Variants in HS6ST2 observed in about 807,000 individuals in gnomAD.
HS6ST2 encodes heparan sulfate 6-O-sulfotransferase 2.
Under a neutral mutation model 33.0 loss-of-function variants are expected in HS6ST2, and 17 were observed. The ratio of observed to expected loss-of-function variants is 0.52; its 90% CI spans 0.35 to 0.77. HS6ST2 has a LOEUF of 0.77. HS6ST2 is among the 30% of genes least tolerant of loss of function. The pLI is 0.01. For missense variants in HS6ST2, 519 were observed against 551.7 expected (o/e 0.94, Z 0.59); for synonymous variants, 248 against 237.1 (o/e 1.05, Z -0.42).
Position 132,627,841 on chromosome X carries a change from A to G in HS6ST2, c.*382T>C, listed in dbSNP as rs5933172. The G allele has an allele frequency of 0.092, 11,063 of 120,494 alleles. 549 individuals carry two copies. The highest frequency in any genetic ancestry group is 0.15 in the Middle Eastern group (35 of 239). The allele number at this position is 120,494 out of a possible 1,213,427, so 9.9% of individuals were successfully genotyped here. Reference sequence around the variant, plus strand: ...TATTTGATTCCAAGATTGGGTTTTAACAGTGTATCATGAATAATTTAAAGT... The same window carrying G: ...TATTTGATTCCAAGATTGGGTTTTAGCAGTGTATCATGAATAATTTAAAGT... On this transcript the variant is annotated 3_prime_UTR_variant, in exon 5 of 5. Coordinates refer to ENST00000370833, the MANE Select transcript of HS6ST2 (RefSeq NM_001394073.1).
intron 3 of HS6ST2, among the ~76,000 whole-genome samples, chrX:132,687,164 G>A (rs1172846866): frequency 9.0e-6 from 1 of 111,390 alleles, no homozygotes; most frequent in Non-Finnish European, 1.9e-5. Flanking sequence ...TTGCCATGCC[G>A]CCTGTATGTC....
At chrX:132,717,946 C>T (rs2064291766) in intron 2 of HS6ST2, among the ~76,000 whole-genome samples, 1 of 69,362 alleles carries the variant, frequency 1.4e-5, no homozygotes, top group Admixed American at 1.2e-4. Context: ...AAAACCAGGA[C>T]CAAAAAAATA....
chrX:132,878,805 T>A (rs1301570016), intron 2 of HS6ST2, among the ~76,000 whole-genome samples: 1 of 110,998 alleles, frequency 9.0e-6, no homozygotes, highest in African/African-American at 3.3e-5. Context: ...CCACATACAA[T>A]CAGACAATTT....
At chrX:132,799,543 T>G (rs1180716674) in intron 2 of HS6ST2, among the ~76,000 whole-genome samples, 1 of 109,320 alleles carries the variant, frequency 9.1e-6, no homozygotes, top group African/African-American at 3.3e-5. Context: ...CTGCCTAATT[T>G]TTGTTTTTTG....
intron 2 of HS6ST2, among the ~76,000 whole-genome samples, chrX:132,746,235 C>T (rs957323404): frequency 3.6e-5 from 4 of 111,264 alleles, no homozygotes; most frequent in African/African-American, 1.3e-4. Context: ...TAAGGGCGGC[C>T]GGGCACGGTG....
At chrX:132,799,497 C>T (rs2065215323) in intron 2 of HS6ST2, among the ~76,000 whole-genome samples, 2 of 109,721 alleles carry the variant, frequency 1.8e-5, no homozygotes, top group South Asian at 8.1e-4. Flanking sequence ...ACCTCAGCCT[C>T]CCAAGAAGCT....
chrX:132,884,735 G>T (rs1371234037), intron 2 of HS6ST2, among the ~76,000 whole-genome samples: 1 of 111,151 alleles, frequency 9.0e-6, no homozygotes, highest in Non-Finnish European at 1.9e-5. Flanking sequence ...TGAAGGCTTG[G>T]GATCAAACAT....
At chrX:132,635,577 T>C (rs1483677443) in intron 4 of HS6ST2, among the ~76,000 whole-genome samples, 2 of 111,421 alleles carry the variant, frequency 1.8e-5, no homozygotes, top group Non-Finnish European at 3.8e-5. Flanking sequence ...CTTTCTCAAT[T>C]GTGAGTGATC....
chrX:132,779,778 T>C (rs1486952272), intron 2 of HS6ST2, among the ~76,000 whole-genome samples: 1 of 111,114 alleles, frequency 9.0e-6, no homozygotes, highest in Non-Finnish European at 1.9e-5. Flanking sequence ...TAAATTCCCC[T>C]GTTCCTCCCA....
chrX:132,700,232 A>G lies in HS6ST2; in HGVS notation c.980+8230T>C, dbSNP rs190451971. Among the ~76,000 whole-genome samples the G allele has an allele frequency of 6.2e-5, 7 of 112,086 alleles. No homozygotes were observed. The East Asian group carries it at 1.7e-3, about 27-fold the overall frequency. On this transcript the variant is annotated intron_variant, in intron 3 of 4. Transcript: ENST00000370833. Reference sequence around the variant, plus strand: ...AAAAGTGGAAAAGTTTTGAAACCACACAAGATATTGATGAAGCTCCCTTGT... The same window carrying G: ...AAAAGTGGAAAAGTTTTGAAACCACGCAAGATATTGATGAAGCTCCCTTGT...
intron 2 of HS6ST2, among the ~76,000 whole-genome samples, chrX:132,815,633 T>C (rs2065387021): frequency 8.9e-6 from 1 of 112,138 alleles, no homozygotes; most frequent in Non-Finnish European, 1.9e-5. Context: ...TTTCTTGTCT[T>C]TGGGCCTCAG....
chrX:132,857,428 G>A (rs2065862673), intron 2 of HS6ST2, among the ~76,000 whole-genome samples: 1 of 107,463 alleles, frequency 9.3e-6, no homozygotes, highest in Non-Finnish European at 1.9e-5. Flanking sequence ...AGGTTGCAGT[G>A]AGCCGTTATC....
chrX:132,631,378 A>G (rs893509492), intron 4 of HS6ST2, among the ~76,000 whole-genome samples: 20 of 111,719 alleles, frequency 1.8e-4, no homozygotes, highest in African/African-American at 6.2e-4. Flanking sequence ...TACTTTCCCT[A>G]GGACCTGATC....
At chrX:132,913,122 C>T (rs2066550160) in intron 2 of HS6ST2, among the ~76,000 whole-genome samples, 1 of 111,237 alleles carries the variant, frequency 9.0e-6, no homozygotes, top group Non-Finnish European at 1.9e-5. Context: ...CTGAGAGCTG[C>T]CATGCAATAA....
At chrX:132,892,647 C>T (rs900198008) in intron 2 of HS6ST2, among the ~76,000 whole-genome samples, 1 of 111,506 alleles carries the variant, frequency 9.0e-6, no homozygotes, top group African/African-American at 3.3e-5. Context: ...GGTGAAACCC[C>T]GTCTCTACTA....
chrX:132,841,319 G>C (rs1364657026), intron 2 of HS6ST2, among the ~76,000 whole-genome samples: 3 of 110,901 alleles, frequency 2.7e-5, no homozygotes, highest in Non-Finnish European at 5.7e-5. Flanking sequence ...CTGCATCCTT[G>C]GTCCTTCATA....
intron 2 of HS6ST2, among the ~76,000 whole-genome samples, chrX:132,804,552 C>CACTTTGGG (rs2065262859): frequency 8.9e-6 from 1 of 112,398 alleles, no homozygotes; most frequent in African/African-American, 3.2e-5. Flanking sequence ...GTAATCCCAG[C>CACTTTGGG]ACTTTGGGAG....
intron 2 of HS6ST2, among the ~76,000 whole-genome samples, chrX:132,894,025 G>A: frequency 9.1e-6 from 1 of 109,806 alleles, no homozygotes. Context: ...CTGGCAATCA[G>A]CAAATCAAAA....
In HS6ST2 at chrX:132,958,508, GA is replaced by G. The variant is rs1303232930; in HGVS notation, c.94del (p.Ser32ProfsTer3). The G allele has an allele frequency of 8.4e-7, 1 of 1,194,697 alleles. No homozygotes were observed. Among genetic ancestry groups the G allele is most frequent in the Non-Finnish European group, 1.1e-6 (1 of 887,961 alleles). On this transcript the variant is annotated frameshift_variant, in exon 1 of 5. Transcript: ENST00000370833. LOFTEE classifies it high-confidence loss of function. ...PVRTTCPRRH[S>X]RVEAELAASR... ...CGCTGCCAATTCGGCCTCTACTCTG[GA>G]ATGCCGGCGGGGACAGGTGGTGCGG...
Sources: gnomAD v4.1 joint callset for allele counts (sites outside exome capture counted in the v4.1 genomes callset) on GRCh38, gnomAD v4.1.1 for gene constraint, MANE v1.5 for transcripts, NCBI Gene and HGNC (gene_info 2026-07-23, HGNC 2026-07-21) for gene names.